CYP19A1: variants seen among roughly 807,000 people sequenced by gnomAD.
CYP19A1 encodes the protein cytochrome P450 family 19 subfamily A member 1, also known as aromatase.
A neutral mutation model predicts 44.4 loss-of-function variants in CYP19A1; 32 were observed. The observed-to-expected ratio is 0.72, with a 90% CI of 0.54 to 0.97. The LOEUF is 0.97. CYP19A1 is among the 50% of genes least tolerant of loss of function. CYP19A1 has a pLI of 0.00. For synonymous variants in CYP19A1, 212 were observed against 215.6 expected, an observed-to-expected ratio of 0.98 and a Z score of 0.14; for missense variants, 598 against 637.8, an observed-to-expected ratio of 0.94 and a Z score of 0.67.
rs965108401 is a variant in CYP19A1, at chr15:51,221,830, C to T, written c.628+519G>A. 9 of 166,764 alleles carry T rather than the reference C, an allele frequency of 5.4e-5. No homozygotes were observed. The East Asian group carries it at 1.4e-3, about 27-fold the overall frequency. The allele number at this position is 166,764 out of a possible 1,614,324, so 10.3% of individuals were successfully genotyped here. A position where few individuals can be genotyped will look rare whatever the true frequency, so the allele number is the denominator to read the frequency against. ...ATTGTTTGGCACACATTAGATACTA[C>T]GTTAATGGCAGCTAATATCGTCATT... On this transcript the variant is annotated intron_variant, in intron 5 of 9. Transcript: ENST00000396402.
chr15:51,273,032 C>T (rs909868998), intron 1 of CYP19A1, among the ~76,000 whole-genome samples: 2 of 152,020 alleles, frequency 1.3e-5, no homozygotes, highest in Non-Finnish European at 1.5e-5. Context: ...GATCTCGGCT[C>T]ACTGCAACCT....
Position 51,215,083 on chromosome 15 carries a change from G to T in CYP19A1, c.1008C>A (p.Ile336=), listed in dbSNP as rs1308403054. 1.2e-6 allele frequency: 2 copies of T among 1,613,720 alleles called. No individual in the cohort carries two copies. Among genetic ancestry groups the T allele is most frequent in the Non-Finnish European group, 1.7e-6 (2 of 1,179,830 alleles). Residue 336 remains isoleucine, a synonymous_variant, in exon 8 of 10, where the codon ATC becomes ATA. Transcript: ENST00000396402. The stretch of plus-strand genomic sequence containing the variant: ...ATAAATTCTTACCAATAACAGTCTG[G>T]ATTTCCTTTATTATTGCCTCTTCAA... ...PNVEEAIIKE[I]QTVIGERDIK...
At chr15:51,281,053 A>G (rs2035502094) in intron 1 of CYP19A1, among the ~76,000 whole-genome samples, 1 of 152,224 alleles carries the variant, frequency 6.6e-6, no homozygotes, top group African/African-American at 2.4e-5. Context: ...CTGAGCATCC[A>G]GAGACCCTGA....
chr15:51,289,012 A>G (rs576094510), intron 1 of CYP19A1, among the ~76,000 whole-genome samples: 1 of 152,172 alleles, frequency 6.6e-6, no homozygotes, highest in East Asian at 1.9e-4. Context: ...ATGGTGAACT[A>G]AGTGCGGGGT....
At chr15:51,250,229 T>C (rs2034253357) in intron 1 of CYP19A1, among the ~76,000 whole-genome samples, 1 of 152,232 alleles carries the variant, frequency 6.6e-6, no homozygotes, top group South Asian at 2.1e-4. Flanking sequence ...TTCACATGTG[T>C]GTGAAGACCC....
At chr15:51,273,542 G>A (rs774755669) in intron 1 of CYP19A1, among the ~76,000 whole-genome samples, 1 of 151,974 alleles carries the variant, frequency 6.6e-6, no homozygotes, top group Non-Finnish European at 1.5e-5. Flanking sequence ...CAACTATTAT[G>A]GTACAGAGGA....
chr15:51,212,166 T>C, intron 9 of CYP19A1, 154 bp downstream of exon 9: 1 of 723,988 alleles, frequency 1.4e-6, no homozygotes, highest in South Asian at 1.5e-5. Flanking sequence ...GGAGCCCTGC[T>C]CCAAGCTAGG....
At chr15:51,271,515 T>C (rs942891175) in intron 1 of CYP19A1, among the ~76,000 whole-genome samples, 2 of 152,238 alleles carry the variant, frequency 1.3e-5, no homozygotes, top group African/African-American at 2.4e-5. Context: ...AGGAATACTC[T>C]CACTTGGGTG....
chr15:51,261,710 G>A (rs548942455), intron 1 of CYP19A1, among the ~76,000 whole-genome samples: 7 of 152,242 alleles, frequency 4.6e-5, no homozygotes, highest in East Asian at 1.9e-4. Context: ...AGTTACTTTC[G>A]CAGGGTAGTC....
At chr15:51,227,390 G>C (rs1206833327) in intron 4 of CYP19A1, among the ~76,000 whole-genome samples, 1 of 152,096 alleles carries the variant, frequency 6.6e-6, no homozygotes, top group African/African-American at 2.4e-5. Context: ...TTTCAGACTA[G>C]GAATGATAGC....
At chr15:51,284,752 G>A (rs1371621399) in intron 1 of CYP19A1, among the ~76,000 whole-genome samples, 3 of 152,196 alleles carry the variant, frequency 2.0e-5, no homozygotes, top group Non-Finnish European at 4.4e-5. Flanking sequence ...GGCTGGACAA[G>A]ATACATGGTG....
At chr15:51,327,574 G>A (rs950897689) in intron 1 of CYP19A1, among the ~76,000 whole-genome samples, 1 of 151,442 alleles carries the variant, frequency 6.6e-6, no homozygotes, top group Non-Finnish European at 1.5e-5. Flanking sequence ...CTCTGCCTCC[G>A]GGGTTCAAGC....
chr15:51,254,864 G>A lies in CYP19A1; in HGVS notation c.-38-11914C>T, dbSNP rs58066289. Among the ~76,000 whole-genome samples, 230 of 152,178 alleles carry A rather than the reference G, an allele frequency of 1.5e-3. 1 individual carries two copies. The highest frequency in any genetic ancestry group is 5.1e-3 in the African/African-American group (211 of 41,496). On this transcript the variant is annotated intron_variant, in intron 1 of 9. Coordinates refer to ENST00000396402, the MANE Select transcript of CYP19A1 (RefSeq NM_000103.4). ...GGTATAAACTCTGTTTACAACTTGC[G>A]GTTTCCTTTCAAGGTGTTGGCATTC... is the stretch of plus-strand genomic sequence containing the variant.
chr15:51,295,109 A>G (rs551682521), intron 1 of CYP19A1, among the ~76,000 whole-genome samples: 15 of 149,706 alleles, frequency 1.0e-4, no homozygotes, highest in Non-Finnish European at 2.1e-4. Flanking sequence ...TCAGCAGCTG[A>G]GTGGGCTTGG....
chr15:51,211,524 T>C (rs1482687734), intron 9 of CYP19A1: 8 of 342,208 alleles, frequency 2.3e-5, no homozygotes, highest in Middle Eastern at 1.0e-3. Flanking sequence ...GGACCACAGC[T>C]GTCTTGTCCA....
chr15:51,218,064 T>G (rs1323291717), intron 6 of CYP19A1, among the ~76,000 whole-genome samples: 1 of 152,176 alleles, frequency 6.6e-6, no homozygotes, highest in Non-Finnish European at 1.5e-5. Flanking sequence ...CCACACACAT[T>G]TTATTGAAGT....
chr15:51,332,526 C>T (rs775055049), intron 1 of CYP19A1, among the ~76,000 whole-genome samples: 17 of 152,200 alleles, frequency 1.1e-4, no homozygotes, highest in Non-Finnish European at 2.2e-4. Flanking sequence ...ATTTAACTGA[C>T]GATGTGTTGT....
At chr15:51,296,129 G>A (rs575825283) in intron 1 of CYP19A1, among the ~76,000 whole-genome samples, 1 of 152,002 alleles carries the variant, frequency 6.6e-6, no homozygotes, top group Admixed American at 6.6e-5. Context: ...AGCATGAAGG[G>A]GAATAGGCAG....
At chr15:51,334,590 C>T (rs1234190098) in intron 1 of CYP19A1, among the ~76,000 whole-genome samples, 1 of 152,234 alleles carries the variant, frequency 6.6e-6, no homozygotes, top group African/African-American at 2.4e-5. Flanking sequence ...GCTTCCTTTA[C>T]ATTTTCATTG....
Sources: allele counts gnomAD v4.1 joint callset (sites outside exome capture counted in the v4.1 genomes callset), GRCh38; gene constraint gnomAD v4.1.1; transcripts MANE v1.5; gene names NCBI Gene and HGNC (gene_info 2026-07-23, HGNC 2026-07-21).